KCND2: variants seen among roughly 807,000 people sequenced by gnomAD.
The protein encoded by KCND2 is A-type voltage-gated potassium channel KCND2.
Under a neutral mutation model 54.4 loss-of-function variants are expected in KCND2, and 16 were observed. The observed-to-expected ratio is 0.29, with a 90% CI of 0.20 to 0.45. KCND2 has a LOEUF of 0.45. Ranked by LOEUF, KCND2 falls within the 20% of genes least tolerant of loss-of-function variation. KCND2 has a pLI of 1.00. For missense variants in KCND2, 486 were observed against 824.2 expected, an observed-to-expected ratio of 0.59 and a Z score of 5.02; for synonymous variants, 317 against 310.7, an observed-to-expected ratio of 1.02 and a Z score of -0.21.
intron 1 of KCND2, among the ~76,000 whole-genome samples, chr7:120,308,809 T>G (rs2116309237): frequency 6.6e-6 from 1 of 152,288 alleles, no homozygotes; most frequent in African/African-American, 2.4e-5. Context: ...TCTCTGAGAC[T>G]TAGTTTCTTC....
intron 1 of KCND2, among the ~76,000 whole-genome samples, chr7:120,728,452 C>G (rs1334701690): frequency 6.6e-6 from 1 of 151,656 alleles, no homozygotes; most frequent in African/African-American, 2.4e-5. Context: ...CCACCACACC[C>G]GGCTAACATT....
chr7:120,706,481 A>G (rs891055344), intron 1 of KCND2, among the ~76,000 whole-genome samples: 3 of 152,196 alleles, frequency 2.0e-5, no homozygotes, highest in African/African-American at 7.2e-5. Flanking sequence ...CAGAAGGCAG[A>G]AGGGCAAGCT....
chr7:120,366,541 G>GAAAGA (rs200325336), intron 1 of KCND2, among the ~76,000 whole-genome samples: 4 of 145,336 alleles, frequency 2.8e-5, no homozygotes, highest in African/African-American at 1.0e-4. Flanking sequence ...AGAGAGGGAG[G>GAAAGA]AAAGAAAAGA....
intron 1 of KCND2, among the ~76,000 whole-genome samples, chr7:120,600,809 G>A (rs765823835): frequency 6.6e-6 from 1 of 151,870 alleles, no homozygotes; most frequent in African/African-American, 2.4e-5. Flanking sequence ...TGTTATTGTT[G>A]TTTATGTATT....
rs1044594370 is a variant in KCND2, at chr7:120,273,590, A to T, written c.-1043A>T. On this transcript the variant is annotated 5_prime_UTR_variant, in exon 1 of 6. Coordinates refer to ENST00000331113, the MANE Select transcript of KCND2 (RefSeq NM_012281.3). ...TGGCTTTTGGAAGGTGAAAAGGAGG[A>T]GGGAGGCACGGAGGGATGGGGGAAG... 1 of 152,810 alleles carries T rather than the reference A, an allele frequency of 6.5e-6. No homozygotes were observed. The highest frequency in any genetic ancestry group is 1.5e-5 in the Non-Finnish European group (1 of 68,374). 9.5% of individuals were successfully genotyped at this position (152,810 alleles called of 1,614,324 possible). A position where few individuals can be genotyped will look rare whatever the true frequency, so the allele number is the denominator to read the frequency against.
intron 1 of KCND2, among the ~76,000 whole-genome samples, chr7:120,388,288 A>G (rs186976202): frequency 1.6e-4 from 24 of 152,204 alleles, no homozygotes; most frequent in Admixed American, 4.6e-4. Context: ...AGTGTTGTCT[A>G]TATTCATTGA....
chr7:120,501,053 G>T (rs368704856), intron 1 of KCND2, among the ~76,000 whole-genome samples: 6 of 151,818 alleles, frequency 4.0e-5, no homozygotes, highest in Non-Finnish European at 8.8e-5. Context: ...ATACCCTAAA[G>T]CTATATTTTG....
chr7:120,519,502 A>G (rs1030823512), intron 1 of KCND2, among the ~76,000 whole-genome samples: 30 of 152,126 alleles, frequency 2.0e-4, no homozygotes, highest in Non-Finnish European at 4.4e-5. Context: ...CTTCTCTAGC[A>G]TCACACCTCA....
chr7:120,303,718 G>T (rs1385316092), intron 1 of KCND2, among the ~76,000 whole-genome samples: 2 of 152,066 alleles, frequency 1.3e-5, no homozygotes, highest in African/African-American at 4.8e-5. Flanking sequence ...TCCTTATGTG[G>T]GTGAAAGAGA....
chr7:120,343,796 C>T (rs1800274888), intron 1 of KCND2, among the ~76,000 whole-genome samples: 1 of 152,146 alleles, frequency 6.6e-6, no homozygotes, highest in Admixed American at 6.5e-5. Flanking sequence ...CAGAATGGAA[C>T]ACTATTTTCA....
chr7:120,551,241 TTAAA>T (rs761557605), intron 1 of KCND2, among the ~76,000 whole-genome samples: 4 of 152,240 alleles, frequency 2.6e-5, no homozygotes, highest in South Asian at 2.1e-4. Context: ...AATTCTCTAC[TTAAA>T]TAAAGTGCTA....
intron 1 of KCND2, among the ~76,000 whole-genome samples, chr7:120,629,380 A>G (rs542443647): frequency 1.3e-5 from 2 of 152,124 alleles, no homozygotes; most frequent in East Asian, 1.9e-4. Context: ...CAGCTACTCA[A>G]GAGGCTGAGG....
intron 4 of KCND2, among the ~76,000 whole-genome samples, chr7:120,743,180 C>T (rs1792963427): frequency 6.6e-6 from 1 of 152,152 alleles, no homozygotes; most frequent in South Asian, 2.1e-4. Flanking sequence ...TTGTTTGGAC[C>T]TCCTCATTGG....
At chr7:120,412,095 G>T (rs528315151) in intron 1 of KCND2, among the ~76,000 whole-genome samples, 2 of 152,036 alleles carry the variant, frequency 1.3e-5, no homozygotes, top group South Asian at 4.2e-4. Flanking sequence ...TTAAAAAGAA[G>T]GCTTCCCTAG....
intron 1 of KCND2, among the ~76,000 whole-genome samples, chr7:120,452,357 C>T (rs1198875215): frequency 2.0e-5 from 3 of 152,200 alleles, no homozygotes; most frequent in Non-Finnish European, 2.9e-5. Context: ...TTAAAAGGCA[C>T]TTACACTCGG....
At chr7:120,332,825 A>T (rs1199156367) in intron 1 of KCND2, among the ~76,000 whole-genome samples, 2 of 152,120 alleles carry the variant, frequency 1.3e-5, no homozygotes, top group Non-Finnish European at 2.9e-5. Context: ...CAGCCCAGAG[A>T]GTCAACAATT....
chr7:120,337,215 C>T (rs1439648613), intron 1 of KCND2, among the ~76,000 whole-genome samples: 2 of 151,826 alleles, frequency 1.3e-5, no homozygotes, highest in East Asian at 3.8e-4. Flanking sequence ...CCTAGAAAAC[C>T]AAATAAGATT....
In KCND2 at chr7:120,733,019, G is replaced by A. The variant is rs779373502; in HGVS notation, c.1232G>A (p.Arg411His). The A allele has an allele frequency of 4.3e-6, 7 of 1,613,400 alleles. No homozygotes were observed. The highest frequency in any genetic ancestry group is 1.3e-5 in the African/African-American group (1 of 74,832). The change falls in exon 2 of 6, where the codon CGC (arginine) becomes CAC (histidine). Residue 411 changes from arginine (R) to histidine (H), a missense_variant. Around this residue, in one of 7 missense-constraint regions of KCND2, gnomAD observed 11 missense variants for 21.4 expected, o/e 0.51. Coordinates refer to ENST00000331113, the MANE Select transcript of KCND2 (RefSeq NM_012281.3). ...PVPVIVSNFS[R>H]IYHQNQRADK... ...CCGGTGATTGTATCCAACTTCAGTC[G>A]CATCTACCACCAGAATCAACGAGCA...
At chr7:120,656,999 A>G (rs1266676643) in intron 1 of KCND2, among the ~76,000 whole-genome samples, 2 of 152,208 alleles carry the variant, frequency 1.3e-5, no homozygotes, top group Non-Finnish European at 2.9e-5. Context: ...CTCACATCCC[A>G]AGAAAACTTT....
Sources: allele counts gnomAD v4.1 joint callset (sites outside exome capture counted in the v4.1 genomes callset), GRCh38; gene constraint gnomAD v4.1.1; regional missense constraint gnomAD v4.1.1; transcripts MANE v1.5; gene names NCBI Gene and HGNC (gene_info 2026-07-23, HGNC 2026-07-21).